MBNL1: variants seen among roughly 807,000 people sequenced by gnomAD.
The protein encoded by MBNL1 is muscleblind-like protein 1.
MBNL1 carries 8 observed loss-of-function variants against 42.2 expected under a neutral mutation model. That is an observed-to-expected ratio of 0.19 (90% CI 0.11 to 0.34). MBNL1 has a LOEUF of 0.34. MBNL1 is among the 10% of genes least tolerant of loss of function. The pLI is 1.00. For synonymous variants in MBNL1, 169 were observed against 173.9 expected (o/e 0.97, Z 0.22); for missense variants, 309 against 495.3 (o/e 0.62, Z 3.57).
intron 2 of MBNL1, among the ~76,000 whole-genome samples, chr3:152,412,624 A>G (rs932311852): frequency 3.9e-5 from 6 of 152,200 alleles, no homozygotes; most frequent in African/African-American, 1.2e-4. Context: ...GCGTCTTGTA[A>G]AAGTTTTGAG....
At chr3:152,264,402 G>A (rs2036840275), upstream of MBNL1, 1 of 151,998 alleles carries the variant, frequency 6.6e-6, no homozygotes, top group East Asian at 1.9e-4. Context: ...AAGAAACAGA[G>A]GAAGGAAGAA....
rs148975487 is a variant in MBNL1, at chr3:152,262,056, G to A, written n.333+17616G>A. Among the ~76,000 whole-genome samples, 19 of 152,212 alleles carry A rather than the reference G, an allele frequency of 1.2e-4. No individual in the cohort carries two copies. In the East Asian group the frequency reaches 1.9e-3, roughly 15 times the overall value. On this transcript the variant is annotated intron_variant and non_coding_transcript_variant, in intron 2 of 2. Transcript: ENST00000477171. Reference sequence around the variant, plus strand: ...TTTTCCCTCACGTCTGTCCCCAACCGCTAGACTATGAACACCTTGCAAAAG... The same window carrying A: ...TTTTCCCTCACGTCTGTCCCCAACCACTAGACTATGAACACCTTGCAAAAG...
At chr3:152,333,433 G>T (rs774515468) in intron 2 of MBNL1, among the ~76,000 whole-genome samples, 2 of 152,164 alleles carry the variant, frequency 1.3e-5, no homozygotes, top group South Asian at 4.1e-4. Flanking sequence ...CCTGCCACCA[G>T]GGTTCTGGCC....
At chr3:152,315,800 G>A (rs1015988169) in intron 2 of MBNL1, among the ~76,000 whole-genome samples, 2 of 151,886 alleles carry the variant, frequency 1.3e-5, no homozygotes, top group African/African-American at 4.8e-5. Context: ...TTAAAGAAAC[G>A]TTTTCCAGCA....
chr3:152,426,068 A>AC (rs2098925915), intron 3 of MBNL1, among the ~76,000 whole-genome samples: 1 of 152,066 alleles, frequency 6.6e-6, no homozygotes, highest in Admixed American at 6.5e-5. Context: ...GAAGCTGGAA[A>AC]CCATCATTCT....
chr3:152,361,185 T>G (rs1358094473), intron 2 of MBNL1, among the ~76,000 whole-genome samples: 1 of 152,082 alleles, frequency 6.6e-6, no homozygotes, highest in African/African-American at 2.4e-5. Flanking sequence ...TCTGTGCTGT[T>G]CTATGTTAGG....
At chr3:152,457,738 T>A (rs1347453383) in intron 8 of MBNL1, 2 of 182,104 alleles carry the variant, frequency 1.1e-5, no homozygotes, top group African/African-American at 4.7e-5. Flanking sequence ...CCATCTATGG[T>A]GCAAATCAAT....
chr3:152,278,042 C>G (rs1038022616), intron 1 of MBNL1, among the ~76,000 whole-genome samples: 1 of 151,890 alleles, frequency 6.6e-6, no homozygotes, highest in Middle Eastern at 3.4e-3. Context: ...CTAGTTTTTG[C>G]CTTGTGCTAT....
intron 2 of MBNL1, among the ~76,000 whole-genome samples, chr3:152,328,711 C>G (rs373241120): frequency 2.0e-5 from 3 of 152,092 alleles, no homozygotes; most frequent in African/African-American, 7.2e-5. Flanking sequence ...AGTACCTTAT[C>G]AGGAAATTTG....
intron 2 of MBNL1, among the ~76,000 whole-genome samples, chr3:152,305,555 A>G (rs2062671789): frequency 6.6e-6 from 1 of 151,396 alleles, no homozygotes; most frequent in African/African-American, 2.4e-5. Flanking sequence ...GCAATTTTCC[A>G]TGTTAACAGC....
chr3:152,446,411 T>C (rs545440842), intron 5 of MBNL1, among the ~76,000 whole-genome samples: 1 of 152,078 alleles, frequency 6.6e-6, no homozygotes, highest in African/African-American at 2.4e-5. Flanking sequence ...GCAGACTCTC[T>C]CCTCCTCTCT....
upstream of MBNL1, chr3:152,266,956 AAAGTT>A (rs2037342883): frequency 6.6e-6 from 1 of 152,112 alleles, no homozygotes; most frequent in Non-Finnish European, 1.5e-5. Context: ...TTTTGGCAGT[AAAGTT>A]GAGACTCGTT....
At chr3:152,281,729 C>T (rs770386823) in intron 1 of MBNL1, among the ~76,000 whole-genome samples, 1 of 151,984 alleles carries the variant, frequency 6.6e-6, no homozygotes, top group Non-Finnish European at 1.5e-5. Flanking sequence ...TGCCTTGAGC[C>T]CCAAAAGAGT....
chr3:152,411,116 C>CT (rs1232733178), intron 2 of MBNL1, among the ~76,000 whole-genome samples: 1 of 152,188 alleles, frequency 6.6e-6, no homozygotes, highest in Non-Finnish European at 1.5e-5. Flanking sequence ...GAGAATTTCA[C>CT]TAACTTCCAC....
intron 1 of MBNL1, among the ~76,000 whole-genome samples, chr3:152,275,578 G>A (rs1034371788): frequency 2.6e-5 from 4 of 151,774 alleles, no homozygotes; most frequent in Non-Finnish European, 2.9e-5. Context: ...GCATGGTGGC[G>A]CATGCCTGTA....
chr3:152,367,545 G>C (rs1481741562), intron 2 of MBNL1, among the ~76,000 whole-genome samples: 1 of 152,186 alleles, frequency 6.6e-6, no homozygotes, highest in Non-Finnish European at 1.5e-5. Context: ...TATATACCCA[G>C]TAATGGGATT....
intron 2 of MBNL1, among the ~76,000 whole-genome samples, chr3:152,359,091 AAC>A (rs1416528194): frequency 3.9e-5 from 6 of 152,220 alleles, no homozygotes; most frequent in Non-Finnish European, 5.9e-5. Flanking sequence ...TCCCTGAAAT[AAC>A]ACAATTTAAG....
chr3:152,389,370 G>C (rs1371184646), intron 2 of MBNL1, among the ~76,000 whole-genome samples: 1 of 152,160 alleles, frequency 6.6e-6, no homozygotes, highest in Non-Finnish European at 1.5e-5. Flanking sequence ...AGTAGCACAG[G>C]TAGCACAGGC....
chr3:152,339,561 G>C (rs1167821815), intron 2 of MBNL1: 1 of 151,844 alleles, frequency 6.6e-6, no homozygotes, highest in Non-Finnish European at 1.5e-5. Context: ...ATCATTGTTG[G>C]CCTTACTGTC....
Sources: gnomAD v4.1 joint callset for allele counts (sites outside exome capture counted in the v4.1 genomes callset) on GRCh38, gnomAD v4.1.1 for gene constraint, MANE v1.5 for transcripts, NCBI Gene and HGNC (gene_info 2026-07-23, HGNC 2026-07-21) for gene names.